GNG7: variants seen among roughly 807,000 people sequenced by gnomAD.
GNG7 encodes G protein subunit gamma 7, also known as guanine nucleotide-binding protein G(I)/G(S)/G(O) subunit gamma-7.
A neutral mutation model predicts 4.0 loss-of-function variants in GNG7; 1 was observed. That is an observed-to-expected ratio of 0.25 (90% CI 0.09 to 1.18). The LOEUF (loss-of-function observed/expected upper bound fraction) is 1.18. Among genes scored for constraint, GNG7 ranks in the 50% most tolerant of loss-of-function variants. The probability of loss-of-function intolerance (pLI) is 0.50; values close to 1 mark genes in which losing one functional copy is unlikely to be tolerated. For synonymous variants in GNG7, 34 were observed against 36.9 expected, an observed-to-expected ratio of 0.92 and a Z score of 0.29; for missense variants, 86 against 91.9, an observed-to-expected ratio of 0.94 and a Z score of 0.26.
At chr19:2,607,185 C>T (rs1599418726) in intron 2 of GNG7, among the ~76,000 whole-genome samples, 1 of 150,246 alleles carries the variant, frequency 6.7e-6, no homozygotes, top group East Asian at 2.0e-4. Context: ...CGCACCACTG[C>T]ACTCCAGCCT....
chr19:2,657,342 AAAAAAAAAAAAAAAAAAAAATATATATAT>A (rs1445908822), intron 1 of GNG7, among the ~76,000 whole-genome samples: 1 of 10,306 alleles, frequency 9.7e-5, no homozygotes, highest in Admixed American at 1.5e-3. Flanking sequence ...TCAATTAAAA[AAAAAAAAAAAAAAAAAAAAATATATATAT>A]ATATATATAT....
intron 3 of GNG7, among the ~76,000 whole-genome samples, chr19:2,537,859 T>C (rs1294674400): frequency 1.3e-5 from 2 of 152,148 alleles, no homozygotes; most frequent in African/African-American, 2.4e-5. Context: ...GCAGATCACT[T>C]GCGGTCAGGA....
At chr19:2,541,957 G>A (rs1377078877) in intron 3 of GNG7, among the ~76,000 whole-genome samples, 4 of 151,896 alleles carry the variant, frequency 2.6e-5, no homozygotes, top group African/African-American at 9.7e-5. Context: ...CAGGGCCGAG[G>A]GCTGAGATGG....
chr19:2,688,258 A>G (rs1913048828), intron 1 of GNG7, among the ~76,000 whole-genome samples: 1 of 152,214 alleles, frequency 6.6e-6, no homozygotes, highest in Non-Finnish European at 1.5e-5. Context: ...GTCTCAACAA[A>G]AGAAAAAAGA....
intron 3 of GNG7, among the ~76,000 whole-genome samples, chr19:2,549,917 T>C (rs75484337): frequency 0.043 from 6,464 of 151,994 alleles, 186 homozygotes; most frequent in East Asian, 0.058. Context: ...TGAAATGGAG[T>C]GTGTGGTTTT....
chr19:2,570,954 C>T (rs143931490), intron 2 of GNG7, among the ~76,000 whole-genome samples: 246 of 146,262 alleles, frequency 1.7e-3, no homozygotes, highest in African/African-American at 6.2e-3. Flanking sequence ...CACGCCACCA[C>T]GCCTGGCTAA....
intron 4 of GNG7, among the ~76,000 whole-genome samples, chr19:2,516,702 G>A (rs1257297611): frequency 6.6e-6 from 1 of 152,210 alleles, no homozygotes; most frequent in Non-Finnish European, 1.5e-5. Flanking sequence ...ATGAGCTTGA[G>A]GGAGGTTTCA....
chr19:2,634,506 G>T lies in GNG7; in HGVS notation c.-78+11718C>A, dbSNP rs1417120012. ...GTCCTGGGCTACAGATGTGGAGGCTGCTGGGTACAGGGAGAGGTTTCTGAG... is the reference window on the plus strand; with the variant it reads ...GTCCTGGGCTACAGATGTGGAGGCTTCTGGGTACAGGGAGAGGTTTCTGAG... On this transcript the variant is annotated intron_variant, in intron 2 of 4. Coordinates refer to ENST00000382159, the MANE Select transcript of GNG7 (RefSeq NM_052847.3). The surrounding 1 kb of genome is among the most constrained non-coding windows in gnomAD (Gnocchi z 5.3). 6.6e-6 allele frequency among the ~76,000 whole-genome samples: 1 copy of T among 152,182 alleles called. No homozygotes were observed. Among genetic ancestry groups the T allele is most frequent in the Non-Finnish European group, 1.5e-5 (1 of 68,034 alleles).
chr19:2,605,592 C>T (rs1599417709), intron 2 of GNG7, among the ~76,000 whole-genome samples: 1 of 142,822 alleles, frequency 7.0e-6, no homozygotes, highest in Non-Finnish European at 1.5e-5. Context: ...TGGCTTACTG[C>T]AACCTCTGCC....
chr19:2,521,855 C>T (rs563717912), intron 3 of GNG7, among the ~76,000 whole-genome samples: 2 of 152,064 alleles, frequency 1.3e-5, no homozygotes, highest in Non-Finnish European at 2.9e-5. Context: ...CTCAGGTGAT[C>T]CACCCTCCTC....
At chr19:2,601,491 G>A (rs917747225) in intron 2 of GNG7, among the ~76,000 whole-genome samples, 2 of 152,126 alleles carry the variant, frequency 1.3e-5, no homozygotes, top group Non-Finnish European at 2.9e-5. Flanking sequence ...AGCTCCCCAG[G>A]AACAAGGACT....
intron 2 of GNG7, among the ~76,000 whole-genome samples, chr19:2,556,386 G>C (rs147676808): frequency 5.9e-5 from 9 of 152,348 alleles, no homozygotes; most frequent in African/African-American, 2.2e-4. Flanking sequence ...GCCGGGCTGG[G>C]CCGGGTTCAC....
At chr19:2,671,269 TC>T (rs1480628611) in intron 1 of GNG7, among the ~76,000 whole-genome samples, 2 of 132,556 alleles carry the variant, frequency 1.5e-5, no homozygotes, top group African/African-American at 2.8e-5. Context: ...TTCCACCAAC[TC>T]CCAGCAGCTC....
intron 2 of GNG7, chr19:2,643,696 C>T (rs1409129596): frequency 2.2e-6 from 1 of 453,094 alleles, no homozygotes; most frequent in East Asian, 6.9e-5. Flanking sequence ...CTGTTGGTGT[C>T]ACAGCTTCAC....
chr19:2,598,707 T>C (rs1981109353), intron 2 of GNG7, among the ~76,000 whole-genome samples: 1 of 147,686 alleles, frequency 6.8e-6, no homozygotes, highest in African/African-American at 2.5e-5. Context: ...ATAATAATAA[T>C]AATAATAATA....
chr19:2,604,427 C>T (rs1029672594), intron 2 of GNG7, among the ~76,000 whole-genome samples: 8 of 144,644 alleles, frequency 5.5e-5, no homozygotes, highest in Non-Finnish European at 1.0e-4. Flanking sequence ...GCTAGGACTG[C>T]GCCACTGCAC....
intron 2 of GNG7, among the ~76,000 whole-genome samples, chr19:2,594,225 T>C (rs1047236003): frequency 6.6e-6 from 1 of 151,910 alleles, no homozygotes; most frequent in Non-Finnish European, 1.5e-5. Context: ...ACAAAACACT[T>C]AGCTGGGTGT....
In GNG7 at chr19:2,611,004, C is replaced by CCG. The variant is rs1555697666; in HGVS notation, c.-78+35219_-78+35220insCG. 4.6e-5 allele frequency: 1 copy of CCG among 21,868 alleles called. No homozygotes were observed. The highest frequency in any genetic ancestry group is 6.2e-5 in the African/African-American group (1 of 16,116). 1.4% of individuals were successfully genotyped at this position (21,868 alleles called of 1,614,324 possible). A position where few individuals can be genotyped will look rare whatever the true frequency, so the allele number is the denominator to read the frequency against. Reference sequence around the variant, plus strand: ...GGGGAACGGGCTCACGTGCCAGGCTCGGGGGGGGGGAAGCGTCCTCAACAT... The same window carrying CCG: ...GGGGAACGGGCTCACGTGCCAGGCTCCGGGGGGGGGGGAAGCGTCCTCAACAT... On this transcript the variant is annotated intron_variant, in intron 2 of 4. Transcript: ENST00000382159. The surrounding 1 kb of genome is among the most constrained non-coding windows in gnomAD (Gnocchi z 6.0).
At chr19:2,622,369 G>A (rs1258435014) in intron 2 of GNG7, among the ~76,000 whole-genome samples, 1 of 152,240 alleles carries the variant, frequency 6.6e-6, no homozygotes, top group African/African-American at 2.4e-5. Flanking sequence ...ATGAGCCACC[G>A]CGCCCGGCTC....
Sources: allele counts gnomAD v4.1 joint callset (sites outside exome capture counted in the v4.1 genomes callset), GRCh38; gene constraint gnomAD v4.1.1; non-coding constraint Gnocchi (gnomAD v3.1); transcripts MANE v1.5; gene names NCBI Gene and HGNC (gene_info 2026-07-23, HGNC 2026-07-21).